The following DENND2B variants were observed in gnomAD, a reference collection of about 807,000 sequenced individuals.
DENND2B encodes DENN domain containing 2B.
A neutral mutation model predicts 116.0 loss-of-function variants in DENND2B; 32 were observed. That is an observed-to-expected ratio of 0.28 (90% CI 0.21 to 0.37). The LOEUF is 0.37. Ranked by LOEUF, DENND2B falls within the 10% of genes least tolerant of loss-of-function variation. The pLI is 1.00. For synonymous variants in DENND2B, 588 were observed against 583.9 expected (o/e 1.01, Z -0.10); for missense variants, 1,276 against 1,477.7 (o/e 0.86, Z 2.24).
intron 1 of DENND2B, among the ~76,000 whole-genome samples, chr11:8,901,740 GTTGT>G (rs1301035812): frequency 6.6e-6 from 1 of 151,994 alleles, no homozygotes; most frequent in Non-Finnish European, 1.5e-5. Flanking sequence ...TTACCTATGC[GTTGT>G]TTAATTTGCA....
chr11:8,856,025 A>G (rs2063182463), intron 3 of DENND2B, among the ~76,000 whole-genome samples: 1 of 152,202 alleles, frequency 6.6e-6, no homozygotes, highest in Non-Finnish European at 1.5e-5. Flanking sequence ...TGCCTGTTAC[A>G]CATAAACATT....
Position 8,706,056 on chromosome 11 carries a change from G to A in DENND2B, c.2571+1029C>T, listed in dbSNP as rs1285263452. 3.3e-5 allele frequency among the ~76,000 whole-genome samples: 5 copies of A among 152,166 alleles called. No individual in the cohort carries two copies. In the South Asian group the frequency reaches 1.0e-3, roughly 32 times the overall value. ...GTCCAGGAGTTCAAGACCAGCCTGG[G>A]CAACAGGGTGAAACCCTGTCTCTAT... On this transcript the variant is annotated intron_variant, in intron 13 of 19. Transcript: ENST00000313726.
At chr11:8,806,551 G>T (rs2060852905) in intron 1 of DENND2B, among the ~76,000 whole-genome samples, 1 of 145,222 alleles carries the variant, frequency 6.9e-6, no homozygotes, top group Non-Finnish European at 1.5e-5. Context: ...GGTCTTTGGA[G>T]AAATTCTTCA....
intron 2 of DENND2B, among the ~76,000 whole-genome samples, chr11:8,739,268 G>A (rs181700627): frequency 2.4e-4 from 37 of 152,154 alleles, no homozygotes; most frequent in African/African-American, 7.5e-4. Flanking sequence ...CAGTATCGCC[G>A]TCAGCCCCCG....
chr11:8,814,454 C>G (rs1388791561), upstream of DENND2B, among the ~76,000 whole-genome samples: 2 of 152,088 alleles, frequency 1.3e-5, no homozygotes, highest in Admixed American at 6.5e-5. Context: ...CCACATACAA[C>G]TGCTTTTAGT....
At chr11:8,811,788 C>T (rs1407328364), upstream of DENND2B, among the ~76,000 whole-genome samples, 1 of 152,168 alleles carries the variant, frequency 6.6e-6, no homozygotes, top group Non-Finnish European at 1.5e-5. Flanking sequence ...AGCTGGAATG[C>T]ATTGGTGCAA....
At chr11:8,706,846 G>A (rs1260993577) in intron 13 of DENND2B, among the ~76,000 whole-genome samples, 1 of 152,206 alleles carries the variant, frequency 6.6e-6, no homozygotes, top group African/African-American at 2.4e-5. Context: ...CAAAAGGAAG[G>A]CAGATGGAAT....
rs1399958141 is a variant in DENND2B, at chr11:8,712,156, G to C, written c.2172+395C>G. 2.7e-6 allele frequency: 1 copy of C among 370,138 alleles called. No individual in the cohort carries two copies. Among genetic ancestry groups the C allele is most frequent in the Non-Finnish European group, 5.4e-6 (1 of 184,520 alleles). 22.9% of individuals were successfully genotyped at this position (370,138 alleles called of 1,614,324 possible). A position where few individuals can be genotyped will look rare whatever the true frequency, so the allele number is the denominator to read the frequency against. ...GAGACAGGCTGGTGGGAGAAGTGCG[G>C]AGTGACAGCTAGTGGGTGCAGAGTT... On this transcript the variant is annotated intron_variant, in intron 9 of 19. Transcript: ENST00000313726. This position sits in a 1 kb window ranked among gnomAD's most constrained non-coding sequence, Gnocchi z 4.4.
rs549964266 is a variant in DENND2B at position 8,871,193 on chromosome 11, A to C, written c.-384-105T>G. The stretch of plus-strand genomic sequence containing the variant: ...AGGGTGGGCTGCTGGAGCCCGGCGG[A>C]GGGGAGCGCTCGGAGGCGCCGGAGG... On this transcript the variant is annotated intron_variant, in intron 1 of 6. Transcript: ENST00000524757. The C allele has an allele frequency of 3.8e-3, 474 of 125,382 alleles. 1 individual carries two copies. Among genetic ancestry groups the C allele is most frequent in the Middle Eastern group, 0.037 (8 of 218 alleles). The allele number at this position is 125,382 out of a possible 1,614,324, so 7.8% of individuals were successfully genotyped here. A position where few individuals can be genotyped will look rare whatever the true frequency, so the allele number is the denominator to read the frequency against.
At chr11:8,860,350 A>G (rs1291695026) in intron 2 of DENND2B, among the ~76,000 whole-genome samples, 2 of 152,330 alleles carry the variant, frequency 1.3e-5, no homozygotes, top group East Asian at 3.9e-4. Flanking sequence ...GTAAAGTCTC[A>G]GGTTACAAAA....
intron 3 of DENND2B, among the ~76,000 whole-genome samples, chr11:8,849,490 C>CAAAA (rs35966963): frequency 6.3e-5 from 4 of 63,550 alleles, no homozygotes; most frequent in Admixed American, 2.0e-4. Context: ...TAGACTGTCT[C>CAAAA]AAAAAAAAAA....
intron 4 of DENND2B, among the ~76,000 whole-genome samples, chr11:8,833,109 G>A (rs907007741): frequency 6.6e-6 from 1 of 152,246 alleles, no homozygotes; most frequent in African/African-American, 2.4e-5. Flanking sequence ...GGCCAGCAAA[G>A]CTGGTGAGCA....
intron 1 of DENND2B, among the ~76,000 whole-genome samples, chr11:8,778,232 A>C (rs1391389047): frequency 6.6e-6 from 1 of 152,250 alleles, no homozygotes; most frequent in African/African-American, 2.4e-5. Flanking sequence ...GACTGCATCC[A>C]GCCATAACGA....
chr11:8,703,991 T>C (rs1349839087), intron 13 of DENND2B, among the ~76,000 whole-genome samples: 4 of 152,188 alleles, frequency 2.6e-5, no homozygotes, highest in Non-Finnish European at 5.9e-5. Flanking sequence ...GCTCCCTGCA[T>C]GCAGCCCAAC....
intron 1 of DENND2B, among the ~76,000 whole-genome samples, chr11:8,781,484 T>A (rs2058366550): frequency 6.6e-6 from 1 of 152,122 alleles, no homozygotes; most frequent in African/African-American, 2.4e-5. Context: ...AATACCACTT[T>A]TTGTCTATTA....
At chr11:8,746,689 C>G (rs1177591622) in intron 2 of DENND2B, among the ~76,000 whole-genome samples, 2 of 152,102 alleles carry the variant, frequency 1.3e-5, no homozygotes, top group Admixed American at 1.3e-4. Context: ...CATTAGAGAA[C>G]AGTGAACTAT....
chr11:8,829,793 C>G (rs1313950404), intron 4 of DENND2B, among the ~76,000 whole-genome samples: 2 of 152,226 alleles, frequency 1.3e-5, no homozygotes, highest in Admixed American at 6.5e-5. Context: ...CCCCTTTCGT[C>G]CCCAATCTCC....
intron 4 of DENND2B, among the ~76,000 whole-genome samples, chr11:8,828,750 C>G (rs972210364): frequency 1.3e-5 from 2 of 152,186 alleles, no homozygotes; most frequent in Admixed American, 6.5e-5. Flanking sequence ...ACTGACCAAA[C>G]AGAAGATTCC....
intron 3 of DENND2B, 66 bp from the exon 4 acceptor site, chr11:8,726,275 T>C (rs7128811): frequency 1.3e-6 from 2 of 1,544,564 alleles, no homozygotes; most frequent in African/African-American, 2.8e-5. Flanking sequence ...CTGGGGAATG[T>C]CCATGGCAAC....
Sources: allele counts gnomAD v4.1 joint callset (sites outside exome capture counted in the v4.1 genomes callset), GRCh38; gene constraint gnomAD v4.1.1; non-coding constraint Gnocchi (gnomAD v3.1); transcripts MANE v1.5; gene names NCBI Gene and HGNC (gene_info 2026-07-23, HGNC 2026-07-21).